The following DOCK4 variants were observed in gnomAD, a reference collection of about 807,000 sequenced individuals.
The protein encoded by DOCK4 is dedicator of cytokinesis 4, also known as dedicator of cytokinesis protein 4.
DOCK4 carries 97 observed loss-of-function variants against 268.1 expected under a neutral mutation model. The observed-to-expected ratio is 0.36, with a 90% confidence interval of 0.31 to 0.43. The LOEUF (loss-of-function observed/expected upper bound fraction) is 0.43. Among genes scored for constraint, DOCK4 ranks in the 20% least tolerant of loss-of-function variants. DOCK4 has a pLI of 1.00. For synonymous variants in DOCK4, 954 were observed against 887.2 expected, an observed-to-expected ratio of 1.08 and a Z score of -1.34; for missense variants, 2,145 against 2,455.7, an observed-to-expected ratio of 0.87 and a Z score of 2.67.
At chr7:111,962,074 CT>C in intron 8 of DOCK4, among the ~76,000 whole-genome samples, 1 of 152,206 alleles carries the variant, frequency 6.6e-6, no homozygotes, top group Admixed American at 6.5e-5. Context: ...ATATTTTCTC[CT>C]TTTTGCTTTT....
chr7:112,128,860 C>T (rs1813528551), intron 1 of DOCK4, among the ~76,000 whole-genome samples: 1 of 152,024 alleles, frequency 6.6e-6, no homozygotes, highest in African/African-American at 2.4e-5. Flanking sequence ...CCACTATTGT[C>T]CTATGACCCT....
At chr7:112,018,165 A>ACAAAAC (rs1562997131) in intron 1 of DOCK4, among the ~76,000 whole-genome samples, 1 of 142,602 alleles carries the variant, frequency 7.0e-6, no homozygotes, top group African/African-American at 2.6e-5. Flanking sequence ...AAAAAAAAAA[A>ACAAAAC]AAAAAAAAAA....
intron 1 of DOCK4, among the ~76,000 whole-genome samples, chr7:112,045,265 T>C (rs1413132224): frequency 6.6e-6 from 1 of 152,208 alleles, no homozygotes; most frequent in South Asian, 2.1e-4. Context: ...ATCCTCTCAA[T>C]TTCTTTAAGG....
At chr7:112,150,840 T>C (rs1423414648) in intron 1 of DOCK4, among the ~76,000 whole-genome samples, 1 of 152,114 alleles carries the variant, frequency 6.6e-6, no homozygotes, top group Non-Finnish European at 1.5e-5. Context: ...CTACCCACAT[T>C]CTTGGGAACA....
At chr7:111,970,775 GTGAGGAAGGT>G (rs1388023577) in intron 8 of DOCK4, among the ~76,000 whole-genome samples, 1 of 152,180 alleles carries the variant, frequency 6.6e-6, no homozygotes. Context: ...ACATAAACAA[GTGAGGAAGGT>G]AAACTGGAAA....
chr7:112,021,535 C>T (rs943974045), intron 1 of DOCK4, among the ~76,000 whole-genome samples: 8 of 152,162 alleles, frequency 5.3e-5, no homozygotes, highest in South Asian at 2.1e-4. Flanking sequence ...AAGTCTAACG[C>T]CTTCCCATGG....
intron 1 of DOCK4, among the ~76,000 whole-genome samples, chr7:112,127,080 A>G (rs2116015722): frequency 6.6e-6 from 1 of 151,576 alleles, no homozygotes; most frequent in East Asian, 1.9e-4. Flanking sequence ...AAAGGACTAT[A>G]AATCATGCTG....
chr7:111,898,719 G>C (rs751999888), intron 15 of DOCK4, among the ~76,000 whole-genome samples: 1 of 152,172 alleles, frequency 6.6e-6, no homozygotes, highest in Non-Finnish European at 1.5e-5. Context: ...TTCATAGTTT[G>C]TGGTATTATC....
intron 1 of DOCK4, among the ~76,000 whole-genome samples, chr7:112,179,858 G>A (rs146474112): frequency 6.6e-4 from 101 of 152,190 alleles, no homozygotes; most frequent in Middle Eastern, 3.4e-3. Flanking sequence ...ACTGGGGCTC[G>A]TATCACTTTA....
chr7:111,850,367 A>C (rs1804448675), intron 23 of DOCK4, among the ~76,000 whole-genome samples: 1 of 151,738 alleles, frequency 6.6e-6, no homozygotes, highest in East Asian at 1.9e-4. Flanking sequence ...TTCCTTGGCT[A>C]TGAAGTCCCA....
At chr7:111,747,557 T>G (rs1796357027) in intron 42 of DOCK4, 114 bp from the exon 43 acceptor site, 1 of 1,031,208 alleles carries the variant, frequency 9.7e-7, no homozygotes, top group African/African-American at 1.6e-5. Context: ...TCCATCAATA[T>G]CTCTACCAGG....
chr7:111,730,982 A>C (rs1795044535), intron 52 of DOCK4, among the ~76,000 whole-genome samples: 1 of 152,202 alleles, frequency 6.6e-6, no homozygotes, highest in Non-Finnish European at 1.5e-5. Context: ...TGAAAAATAC[A>C]GATGATAATT....
At chr7:112,069,567 AG>A (rs1807393535) in intron 1 of DOCK4, among the ~76,000 whole-genome samples, 1 of 152,320 alleles carries the variant, frequency 6.6e-6, no homozygotes, top group South Asian at 2.1e-4. Flanking sequence ...GGTCGTTCTG[AG>A]GACTTAATGA....
At chr7:112,199,483 C>A (rs1820735121) in intron 1 of DOCK4, among the ~76,000 whole-genome samples, 1 of 152,134 alleles carries the variant, frequency 6.6e-6, no homozygotes, top group Non-Finnish European at 1.5e-5. Context: ...TACCCAATGT[C>A]ATCTTGGCAC....
intron 1 of DOCK4, among the ~76,000 whole-genome samples, chr7:112,118,503 C>A (rs530942177): frequency 1.3e-5 from 2 of 152,100 alleles, no homozygotes; most frequent in African/African-American, 4.8e-5. Context: ...ATTCACATTT[C>A]GTATAAATAT....
At chr7:112,189,588 A>G (rs1819748308) in intron 1 of DOCK4, among the ~76,000 whole-genome samples, 1 of 152,190 alleles carries the variant, frequency 6.6e-6, no homozygotes. Context: ...CATTTTCACT[A>G]TATGTTACAA....
At chr7:111,892,713 G>C (rs185116609) in intron 16 of DOCK4, among the ~76,000 whole-genome samples, 3 of 152,152 alleles carry the variant, frequency 2.0e-5, no homozygotes, top group African/African-American at 7.2e-5. Context: ...TGATCAGCAG[G>C]CTGTGTGCTT....
intron 23 of DOCK4, among the ~76,000 whole-genome samples, chr7:111,852,155 G>A (rs1274252964): frequency 6.6e-6 from 1 of 151,876 alleles, no homozygotes; most frequent in Admixed American, 6.6e-5. Context: ...GTAGAGACGG[G>A]GTTTCACCAT....
intron 1 of DOCK4, among the ~76,000 whole-genome samples, chr7:112,133,642 C>A (rs548052496): frequency 1.2e-4 from 18 of 152,202 alleles, no homozygotes; most frequent in African/African-American, 4.1e-4. Flanking sequence ...ATTGCTTGAA[C>A]CTGGGAGGTC....
Sources: gnomAD v4.1 joint callset for allele counts (sites outside exome capture counted in the v4.1 genomes callset) on GRCh38, gnomAD v4.1.1 for gene constraint, MANE v1.5 for transcripts, NCBI Gene and HGNC (gene_info 2026-07-23, HGNC 2026-07-21) for gene names.